Variants in PHF14 observed in about 807,000 individuals in gnomAD.
PHF14 encodes PHD finger protein 14.
PHF14 carries 55 observed loss-of-function variants against 117.9 expected under a neutral mutation model. That is an observed-to-expected ratio of 0.47 (90% CI 0.38 to 0.58). The LOEUF (loss-of-function observed/expected upper bound fraction) is 0.58. PHF14 is among the 20% of genes least tolerant of loss of function. The pLI, the probability that PHF14 is intolerant of heterozygous loss-of-function variation, is 0.00. For missense variants in PHF14, 978 were observed against 1,122.2 expected (o/e 0.87, Z 1.84); for synonymous variants, 409 against 368.6 (o/e 1.11, Z -1.26).
At chr7:11,019,129 G>C (rs530073603) in intron 5 of PHF14, among the ~76,000 whole-genome samples, 1 of 151,992 alleles carries the variant, frequency 6.6e-6, no homozygotes, top group Admixed American at 6.6e-5. Flanking sequence ...TGTTAAATTC[G>C]GTTTGCTGGT....
At chr7:11,013,536 T>G (rs2128316181) in intron 4 of PHF14, among the ~76,000 whole-genome samples, 1 of 152,336 alleles carries the variant, frequency 6.6e-6, no homozygotes, top group Non-Finnish European at 1.5e-5. Flanking sequence ...ACTAAAACTA[T>G]TTTTAAAATG....
At chr7:10,992,630 T>C (rs1298388277) in intron 4 of PHF14, among the ~76,000 whole-genome samples, 1 of 151,970 alleles carries the variant, frequency 6.6e-6, no homozygotes, top group Non-Finnish European at 1.5e-5. Flanking sequence ...GCCACTGTAC[T>C]CCAGCCTGGG....
intron 17 of PHF14, among the ~76,000 whole-genome samples, chr7:11,159,545 C>A (rs549978123): frequency 2.4e-4 from 36 of 151,762 alleles, no homozygotes; most frequent in Non-Finnish European, 4.4e-4. Flanking sequence ...ATATTCAAGC[C>A]AATCATAGTA....
chr7:11,053,505 A>G (rs1215514185), intron 14 of PHF14, among the ~76,000 whole-genome samples: 3 of 152,058 alleles, frequency 2.0e-5, no homozygotes, highest in Non-Finnish European at 4.4e-5. Context: ...AATATTTTCT[A>G]TAATTGTTTG....
rs1441288920 is a variant in PHF14 at position 10,974,315 on chromosome 7, G to A, written c.-9G>A. Reference sequence around the variant, plus strand: ...AGTCTTCTCCAAACGACCACCTCACGGATTCCTTAGTAAGTGTATCCGAGG... The same window carrying A: ...AGTCTTCTCCAAACGACCACCTCACAGATTCCTTAGTAAGTGTATCCGAGG... On this transcript the variant is annotated 5_prime_UTR_variant, in exon 1 of 18. Transcript: ENST00000634607. 2.5e-6 allele frequency: 4 copies of A among 1,590,666 alleles called. No homozygotes were observed. In the East Asian group the frequency reaches 6.8e-5, roughly 27 times the overall value.
chr7:11,079,287 T>TG (rs1785986816), intron 16 of PHF14, among the ~76,000 whole-genome samples: 1 of 152,194 alleles, frequency 6.6e-6, no homozygotes, highest in Non-Finnish European at 1.5e-5. Flanking sequence ...AGCTGGCTTT[T>TG]GCCATGGCAT....
At chr7:11,061,503 A>G (rs1785221475) in intron 14 of PHF14, 1 of 208,912 alleles carries the variant, frequency 4.8e-6, no homozygotes, top group East Asian at 1.0e-4. Flanking sequence ...AAGTGTGGAG[A>G]AAATCCTTTA....
chr7:11,024,144 G>A (rs1335459477), intron 6 of PHF14, among the ~76,000 whole-genome samples: 1 of 152,142 alleles, frequency 6.6e-6, no homozygotes, highest in African/African-American at 2.4e-5. Flanking sequence ...ATAGATCATA[G>A]CAGCCACAAC....
chr7:11,080,210 C>T (rs1311131330), intron 16 of PHF14, among the ~76,000 whole-genome samples: 2 of 152,024 alleles, frequency 1.3e-5, no homozygotes, highest in African/African-American at 4.8e-5. Flanking sequence ...TCAGTTTTAG[C>T]TTTGATGTGG....
intron 16 of PHF14, among the ~76,000 whole-genome samples, chr7:11,068,257 A>T (rs184338175): frequency 6.7e-6 from 1 of 148,578 alleles, no homozygotes; most frequent in East Asian, 2.1e-4. Flanking sequence ...AGGCTGAGGC[A>T]GGAGAATGGC....
chr7:11,013,144 T>G (rs1292432655), intron 4 of PHF14, among the ~76,000 whole-genome samples: 1 of 152,060 alleles, frequency 6.6e-6, no homozygotes, highest in African/African-American at 2.4e-5. Context: ...TAATGACAAC[T>G]TGTATTTTTT....
intron 17 of PHF14, among the ~76,000 whole-genome samples, chr7:11,147,184 T>C (rs1427916208): frequency 1.3e-5 from 2 of 152,270 alleles, no homozygotes; most frequent in East Asian, 3.9e-4. Flanking sequence ...GAAACTAGGA[T>C]ACAGAGCCAT....
chr7:11,090,118 A>T (rs1257724276), intron 16 of PHF14, among the ~76,000 whole-genome samples: 1 of 152,156 alleles, frequency 6.6e-6, no homozygotes, highest in Non-Finnish European at 1.5e-5. Context: ...TTTTATACTT[A>T]AGATTATGCA....
At chr7:10,992,679 C>CA (rs910310163) in intron 4 of PHF14, among the ~76,000 whole-genome samples, 2 of 151,532 alleles carry the variant, frequency 1.3e-5, no homozygotes, top group African/African-American at 4.8e-5. Context: ...AACAAACAAA[C>CA]AAAAAAAGGC....
chr7:11,012,055 G>C (rs796557168), intron 4 of PHF14, among the ~76,000 whole-genome samples: 19 of 152,300 alleles, frequency 1.2e-4, no homozygotes, highest in African/African-American at 4.1e-4. Context: ...CTTACCAGCA[G>C]ATTTTGTTGG....
intron 7 of PHF14, among the ~76,000 whole-genome samples, chr7:11,032,063 G>A (rs1562430250): frequency 2.0e-5 from 3 of 152,068 alleles, no homozygotes; most frequent in African/African-American, 7.2e-5. Context: ...AGAGGATTTT[G>A]AGATGAGCCT....
intron 16 of PHF14, chr7:11,063,393 A>G (rs2128330157): frequency 1.0e-6 from 1 of 978,028 alleles, no homozygotes; most frequent in African/African-American, 1.7e-5. Context: ...AGCGTAACAT[A>G]ATGGAGTAAA....
chr7:11,060,551 C>G (rs1785187443), intron 14 of PHF14, among the ~76,000 whole-genome samples: 1 of 152,158 alleles, frequency 6.6e-6, no homozygotes, highest in Non-Finnish European at 1.5e-5. Context: ...AAGATAGCTT[C>G]TAATTCAGTG....
chr7:11,017,185 A>G (rs994526315), intron 5 of PHF14, among the ~76,000 whole-genome samples: 15 of 151,308 alleles, frequency 9.9e-5, no homozygotes, highest in Non-Finnish European at 1.9e-4. Context: ...AATCTTAGCT[A>G]TTGTAAACAG....
Sources: allele counts gnomAD v4.1 joint callset (sites outside exome capture counted in the v4.1 genomes callset), GRCh38; gene constraint gnomAD v4.1.1; transcripts MANE v1.5; gene names NCBI Gene and HGNC (gene_info 2026-07-23, HGNC 2026-07-21).